Variants in KCMF1 observed in about 807,000 individuals in gnomAD.
KCMF1 encodes the protein potassium channel modulatory factor 1, also known as E3 ubiquitin-protein ligase KCMF1.
A neutral mutation model predicts 41.1 loss-of-function variants in KCMF1; 3 were observed. That is an observed-to-expected ratio of 0.07 (90% CI 0.03 to 0.19). KCMF1 has a LOEUF of 0.19. Among genes scored for constraint, KCMF1 ranks in the 10% least tolerant of loss-of-function variants. KCMF1 has a pLI of 1.00. For missense variants in KCMF1, 286 were observed against 488.9 expected (o/e 0.58, Z 3.91); for synonymous variants, 142 against 164.5 (o/e 0.86, Z 1.04).
chr2:85,026,680 A>G (rs1011454926), intron 1 of KCMF1, among the ~76,000 whole-genome samples: 7 of 151,074 alleles, frequency 4.6e-5, no homozygotes, highest in African/African-American at 7.3e-5. Flanking sequence ...TGTAGACAGG[A>G]TCTCTCTATG....
chr2:84,985,450 CCT>C (rs1447850447), intron 1 of KCMF1, among the ~76,000 whole-genome samples: 2 of 152,148 alleles, frequency 1.3e-5, no homozygotes, highest in African/African-American at 4.8e-5. Context: ...TTTCTTGACC[CCT>C]GTTACTCTAT....
At chr2:85,027,366 C>CTTTTTT (rs934531367) in intron 1 of KCMF1, among the ~76,000 whole-genome samples, 5 of 65,738 alleles carry the variant, frequency 7.6e-5, no homozygotes, top group Non-Finnish European at 1.2e-4. Context: ...CTTATCAAGG[C>CTTTTTT]TTTTTTTTTT....
At chr2:84,990,570 A>G (rs1463577144) in intron 1 of KCMF1, among the ~76,000 whole-genome samples, 1 of 152,064 alleles carries the variant, frequency 6.6e-6, no homozygotes, top group Non-Finnish European at 1.5e-5. Context: ...ATACTTTGGG[A>G]GGCTGAGTTG....
chr2:85,048,682 A>G (rs992402257), intron 5 of KCMF1, among the ~76,000 whole-genome samples: 36 of 152,260 alleles, frequency 2.4e-4, no homozygotes, highest in African/African-American at 8.0e-4. Flanking sequence ...CCTTATGGAC[A>G]CAAGACAGTC....
At chr2:84,977,100 A>G (rs1673567562) in intron 1 of KCMF1, among the ~76,000 whole-genome samples, 1 of 151,876 alleles carries the variant, frequency 6.6e-6, no homozygotes, top group Non-Finnish European at 1.5e-5. Flanking sequence ...TGCAACCTCC[A>G]TCTCCCAGGC....
chr2:85,036,498 C>A (rs975447474), intron 3 of KCMF1, among the ~76,000 whole-genome samples: 4 of 152,006 alleles, frequency 2.6e-5, no homozygotes, highest in African/African-American at 9.7e-5. Flanking sequence ...ATTAGGCATC[C>A]TTAAAATCAT....
At chr2:85,000,748 T>G (rs1432408614) in intron 1 of KCMF1, among the ~76,000 whole-genome samples, 1 of 151,774 alleles carries the variant, frequency 6.6e-6, no homozygotes, top group Admixed American at 6.6e-5. Flanking sequence ...AAAATTGAAT[T>G]AGGTATTATG....
At chr2:85,016,084 A>G (rs1359307504) in intron 1 of KCMF1, among the ~76,000 whole-genome samples, 1 of 152,242 alleles carries the variant, frequency 6.6e-6, no homozygotes, top group Admixed American at 6.5e-5. Flanking sequence ...AATGTTTTAA[A>G]TGCTGAATGA....
At chr2:85,041,424 T>C (rs1675531630) in intron 3 of KCMF1, among the ~76,000 whole-genome samples, 1 of 152,208 alleles carries the variant, frequency 6.6e-6, no homozygotes, top group South Asian at 2.1e-4. Flanking sequence ...TCTGTTTTCC[T>C]TCTAGGAATC....
chr2:84,971,307 A>C lies in KCMF1; in HGVS notation c.-145A>C, dbSNP rs2103952294. 5 of 197,226 alleles carry C rather than the reference A, an allele frequency of 2.5e-5. No homozygotes were observed. Among genetic ancestry groups the C allele is most frequent in the Non-Finnish European group, 4.4e-5 (5 of 113,280 alleles). The allele number at this position is 197,226 out of a possible 1,614,324, so 12.2% of individuals were successfully genotyped here. Reference sequence around the variant, plus strand: ...CCGCCGCCGCCGCCGCCGCCGCGGGAGCGCTCCCCTGCCCACCCCGCCCCC... The same window carrying C: ...CCGCCGCCGCCGCCGCCGCCGCGGGCGCGCTCCCCTGCCCACCCCGCCCCC... On this transcript the variant is annotated 5_prime_UTR_variant, in exon 1 of 7. Transcript: ENST00000409785.
At chr2:85,006,760 A>G (rs1276378132) in intron 1 of KCMF1, among the ~76,000 whole-genome samples, 4 of 152,094 alleles carry the variant, frequency 2.6e-5, no homozygotes, top group Non-Finnish European at 5.9e-5. Flanking sequence ...AAAAGTATGT[A>G]TCTAGTAAAA....
intron 3 of KCMF1, among the ~76,000 whole-genome samples, chr2:85,041,297 C>T (rs1304802775): frequency 1.3e-5 from 2 of 152,142 alleles, no homozygotes; most frequent in African/African-American, 4.8e-5. Flanking sequence ...AGTCAATACA[C>T]GATAAGGAAG....
intron 1 of KCMF1, among the ~76,000 whole-genome samples, chr2:85,019,358 A>G (rs1348505575): frequency 1.3e-5 from 2 of 152,202 alleles, no homozygotes; most frequent in Admixed American, 6.5e-5. Flanking sequence ...AGTGAGAGTC[A>G]TTCTAAAGGG....
intron 1 of KCMF1, among the ~76,000 whole-genome samples, chr2:84,984,563 G>T (rs1673851453): frequency 1.3e-5 from 2 of 152,020 alleles, no homozygotes; most frequent in South Asian, 4.1e-4. Flanking sequence ...GCTCACACCT[G>T]TAATCCCAGC....
chr2:84,999,344 G>T (rs1257722135), intron 1 of KCMF1, among the ~76,000 whole-genome samples: 1 of 151,946 alleles, frequency 6.6e-6, no homozygotes, highest in Non-Finnish European at 1.5e-5. Flanking sequence ...GTAGAGACAC[G>T]GTTTCACCAT....
intron 1 of KCMF1, among the ~76,000 whole-genome samples, chr2:85,025,994 TA>T (rs1275223124): frequency 6.6e-6 from 1 of 151,850 alleles, no homozygotes; most frequent in African/African-American, 2.4e-5. Flanking sequence ...TTAACTTTTT[TA>T]AAAATATTTT....
At chr2:85,029,847 A>C (rs1574034441) in intron 2 of KCMF1, among the ~76,000 whole-genome samples, 1 of 151,604 alleles carries the variant, frequency 6.6e-6, no homozygotes, top group East Asian at 1.9e-4. Context: ...ATGCCCAGAA[A>C]ATTTTTTTTG....
At chr2:85,001,765 G>A (rs557199826) in intron 1 of KCMF1, among the ~76,000 whole-genome samples, 2 of 152,216 alleles carry the variant, frequency 1.3e-5, no homozygotes, top group South Asian at 4.1e-4. Context: ...AAAAACACAC[G>A]ATCACATGTT....
intron 3 of KCMF1, among the ~76,000 whole-genome samples, chr2:85,040,856 G>C (rs1267188696): frequency 6.6e-6 from 1 of 151,950 alleles, no homozygotes; most frequent in Non-Finnish European, 1.5e-5. Context: ...CGCTTCCCGG[G>C]TTCAAGTGAT....
Sources: gnomAD v4.1 joint callset for allele counts (sites outside exome capture counted in the v4.1 genomes callset) on GRCh38, gnomAD v4.1.1 for gene constraint, MANE v1.5 for transcripts, NCBI Gene and HGNC (gene_info 2026-07-23, HGNC 2026-07-21) for gene names.